The following MAP2K1 variants were observed in gnomAD, a reference collection of about 807,000 sequenced individuals.
MAP2K1 encodes dual specificity mitogen-activated protein kinase kinase 1.
A neutral mutation model predicts 46.3 loss-of-function variants in MAP2K1; 16 were observed. The observed-to-expected ratio is 0.35, with a 90% CI of 0.23 to 0.52. The LOEUF is 0.52. Ranked by LOEUF, MAP2K1 falls within the 20% of genes least tolerant of loss-of-function variation. The pLI, the probability that MAP2K1 is intolerant of heterozygous loss-of-function variation, is 0.94. For missense variants in MAP2K1, 263 were observed against 497.1 expected (o/e 0.53, Z 4.48); for synonymous variants, 183 against 185.6 (o/e 0.99, Z 0.11).
At chr15:66,466,236 C>A (rs1031346440) in intron 5 of MAP2K1, among the ~76,000 whole-genome samples, 1 of 152,204 alleles carries the variant, frequency 6.6e-6, no homozygotes, top group Non-Finnish European at 1.5e-5. Context: ...TGTCCTGTTA[C>A]AAATGAAAAC....
At chr15:66,421,809 C>A (rs1289077545) in intron 1 of MAP2K1, among the ~76,000 whole-genome samples, 10 of 149,310 alleles carry the variant, frequency 6.7e-5, no homozygotes, top group African/African-American at 1.7e-4. Flanking sequence ...AAAAAAAAAA[C>A]CAACAAAAAA....
intron 10 of MAP2K1, 78 bp downstream of exon 10, chr15:66,489,841 T>TC: frequency 8.1e-7 from 1 of 1,232,482 alleles, no homozygotes; most frequent in Non-Finnish European, 1.2e-6. Context: ...GTGCAGTACT[T>TC]CCAGAGCCCA....
intron 1 of MAP2K1, among the ~76,000 whole-genome samples, chr15:66,414,076 G>T (rs2093418567): frequency 6.6e-6 from 1 of 151,642 alleles, no homozygotes. Flanking sequence ...GGCCTATCTG[G>T]TCAGCCATAT....
intron 1 of MAP2K1, among the ~76,000 whole-genome samples, chr15:66,422,567 T>C (rs2093446166): frequency 6.6e-6 from 1 of 152,182 alleles, no homozygotes; most frequent in Non-Finnish European, 1.5e-5. Context: ...AAATGAATTA[T>C]ATTGTAGTAC....
intron 1 of MAP2K1, among the ~76,000 whole-genome samples, chr15:66,423,604 ATTTTTTT>A (rs142169839): frequency 2.7e-5 from 3 of 113,156 alleles, no homozygotes; most frequent in Non-Finnish European, 5.1e-5. Flanking sequence ...TGCCAGGCTA[ATTTTTTT>A]TTTTTTTTTT....
chr15:66,394,763 A>G (rs1458288143), intron 1 of MAP2K1, among the ~76,000 whole-genome samples: 1 of 151,970 alleles, frequency 6.6e-6, no homozygotes, highest in Non-Finnish European at 1.5e-5. Flanking sequence ...GATAAGTAGG[A>G]GCTTTTGAAG....
At chr15:66,458,269 A>G (rs577514231) in intron 5 of MAP2K1, among the ~76,000 whole-genome samples, 1 of 152,182 alleles carries the variant, frequency 6.6e-6, no homozygotes, top group Non-Finnish European at 1.5e-5. Context: ...AACCTGCTCT[A>G]ATTATCAAGG....
intron 1 of MAP2K1, among the ~76,000 whole-genome samples, chr15:66,406,907 C>T (rs1315019952): frequency 6.6e-6 from 1 of 152,094 alleles, no homozygotes; most frequent in African/African-American, 2.4e-5. Flanking sequence ...TGGTGCATGC[C>T]TATAATCCCA....
At position 66,403,829 on chromosome 15, in the gene MAP2K1, CAG is replaced by C. The variant is rs144750908; in HGVS notation, c.80+16405_80+16406del. Among the ~76,000 whole-genome samples, 442 of 152,278 alleles carry C rather than the reference CAG, an allele frequency of 2.9e-3. 2 individuals carry two copies. The highest frequency in any genetic ancestry group is 0.01 in the African/African-American group (428 of 41,564). The stretch of plus-strand genomic sequence containing the variant: ...CCCTCAGTCCATTTGAGAGTAGACT[CAG>C]AGTCAGAATTATTTGCCCCCTTTGC... On this transcript the variant is annotated intron_variant, in intron 1 of 10. Transcript: ENST00000307102.
At chr15:66,472,762 A>T (rs1225683638) in intron 5 of MAP2K1, among the ~76,000 whole-genome samples, 1 of 152,126 alleles carries the variant, frequency 6.6e-6, no homozygotes, top group Non-Finnish European at 1.5e-5. Context: ...TAGTTTCTTG[A>T]CCTTTTTTCC....
intron 1 of MAP2K1, among the ~76,000 whole-genome samples, chr15:66,417,554 A>G (rs957245251): frequency 3.9e-5 from 6 of 152,172 alleles, no homozygotes; most frequent in Non-Finnish European, 5.9e-5. Flanking sequence ...CAGTCTGCGC[A>G]ACAAAATGAG....
intron 4 of MAP2K1, among the ~76,000 whole-genome samples, chr15:66,443,891 A>G (rs1891788238): frequency 6.6e-6 from 1 of 152,084 alleles, no homozygotes; most frequent in South Asian, 2.1e-4. Flanking sequence ...TCTTTATACC[A>G]TGTAAAAAGA....
chr15:66,405,875 A>C (rs2093395373), intron 1 of MAP2K1, among the ~76,000 whole-genome samples: 1 of 152,200 alleles, frequency 6.6e-6, no homozygotes, highest in Non-Finnish European at 1.5e-5. Flanking sequence ...CTTCCTACCA[A>C]GCGCTTTGTA....
chr15:66,489,875 C>G (rs903653457), intron 10 of MAP2K1, 112 bp downstream of exon 10: 1 of 929,950 alleles, frequency 1.1e-6, no homozygotes, highest in African/African-American at 1.6e-5. Flanking sequence ...CACTGTGGTC[C>G]AGCTGAGCCT....
chr15:66,461,126 T>C (rs530999128), intron 5 of MAP2K1, among the ~76,000 whole-genome samples: 1 of 152,080 alleles, frequency 6.6e-6, no homozygotes, highest in Non-Finnish European at 1.5e-5. Flanking sequence ...GGAATGAAAC[T>C]CAGAGTGAAT....
chr15:66,480,172 T>A (rs758543500), intron 5 of MAP2K1, among the ~76,000 whole-genome samples: 3 of 152,066 alleles, frequency 2.0e-5, no homozygotes, highest in Non-Finnish European at 4.4e-5. Flanking sequence ...CACCACAACC[T>A]CCTCCTCCCA....
In MAP2K1 at chr15:66,489,262, T is replaced by G. The variant is rs767650713; in HGVS notation, c.1008T>G (p.Asp336Glu). 1.2e-6 allele frequency: 2 copies of G among 1,614,022 alleles called. No homozygotes were observed. The highest frequency in any genetic ancestry group is 1.7e-6 in the Non-Finnish European group (2 of 1,179,922). The change falls in exon 9 of 11, where the codon GAT (aspartate) becomes GAG (glutamate). Residue 336 changes from aspartate (D) to glutamate (E), a missense_variant. Physicochemically the swap from Asp to Glu is conservative, Grantham distance 45. Around this residue, in one of 4 missense-constraint regions of MAP2K1, gnomAD observed 118 missense variants for 193.0 expected, o/e 0.61. Coordinates refer to ENST00000307102, the MANE Select transcript of MAP2K1 (RefSeq NM_002755.4). ...GAGTGTTCAGTCTGGAATTTCAAGA[T>G]TTTGTGAATAAATGGTAAGTTGGCT... ...PSGVFSLEFQ[D>E]FVNKCLIKNP...
intron 1 of MAP2K1, among the ~76,000 whole-genome samples, chr15:66,404,165 C>T (rs1342487213): frequency 2.0e-5 from 3 of 152,086 alleles, no homozygotes; most frequent in Non-Finnish European, 2.9e-5. Context: ...GTCATTGGAG[C>T]CAAGGAAAGG....
At chr15:66,467,013 T>A (rs1233854305) in intron 5 of MAP2K1, among the ~76,000 whole-genome samples, 1 of 152,062 alleles carries the variant, frequency 6.6e-6, no homozygotes, top group Non-Finnish European at 1.5e-5. Context: ...GCATGGTGGA[T>A]CACCTGAGGT....
Sources: allele counts gnomAD v4.1 joint callset (sites outside exome capture counted in the v4.1 genomes callset), GRCh38; gene constraint gnomAD v4.1.1; regional missense constraint gnomAD v4.1.1; transcripts MANE v1.5; gene names NCBI Gene and HGNC (gene_info 2026-07-23, HGNC 2026-07-21).